CAMTA1: variants seen among roughly 807,000 people sequenced by gnomAD.
CAMTA1 encodes calmodulin-binding transcription activator 1.
In CAMTA1, 27 loss-of-function variants were observed where a neutral mutation model predicts 170.9. That is an observed-to-expected ratio of 0.16 (90% CI 0.12 to 0.22). The LOEUF is 0.22. Among genes scored for constraint, CAMTA1 ranks in the 10% least tolerant of loss-of-function variants. The pLI, the probability that CAMTA1 is intolerant of heterozygous loss-of-function variation, is 1.00. For missense variants in CAMTA1, 1,619 were observed against 2,217.2 expected, an observed-to-expected ratio of 0.73 and a Z score of 5.42; for synonymous variants, 833 against 891.5, an observed-to-expected ratio of 0.93 and a Z score of 1.17.
At chr1:7,367,634 A>G (rs2086076788) in intron 5 of CAMTA1, among the ~76,000 whole-genome samples, 1 of 152,228 alleles carries the variant, frequency 6.6e-6, no homozygotes, top group Admixed American at 6.5e-5. Context: ...CTCTCCTGGT[A>G]TTTCCTCTAC....
At chr1:7,729,262 A>G (rs927320994) in intron 11 of CAMTA1, among the ~76,000 whole-genome samples, 76 of 151,956 alleles carry the variant, frequency 5.0e-4, no homozygotes, top group African/African-American at 1.7e-3. Flanking sequence ...GACTACAGGC[A>G]TACACCACCA....
At chr1:7,454,563 A>G (rs1346815682) in intron 5 of CAMTA1, among the ~76,000 whole-genome samples, 1 of 152,126 alleles carries the variant, frequency 6.6e-6, no homozygotes, top group East Asian at 1.9e-4. Flanking sequence ...TAGTGCCCAA[A>G]CTTCCACCAG....
intron 3 of CAMTA1, among the ~76,000 whole-genome samples, chr1:6,968,630 G>A (rs1691993679): frequency 6.6e-6 from 1 of 152,092 alleles, no homozygotes; most frequent in African/African-American, 2.4e-5. Flanking sequence ...AGCACAAGGG[G>A]TTACTGGAGC....
intron 9 of CAMTA1, among the ~76,000 whole-genome samples, chr1:7,667,498 C>T (rs951664947): frequency 6.6e-6 from 1 of 152,110 alleles, no homozygotes; most frequent in Non-Finnish European, 1.5e-5. Context: ...ATTTGGTCCT[C>T]GGGACACTTA....
intron 3 of CAMTA1, among the ~76,000 whole-genome samples, chr1:6,954,877 C>T (rs758949024): frequency 1.1e-4 from 16 of 152,090 alleles, no homozygotes; most frequent in Admixed American, 1.3e-4. Context: ...GGAGCAGCCT[C>T]GTCTATGGTG....
chr1:7,033,280 A>G (rs1468662973), intron 3 of CAMTA1, among the ~76,000 whole-genome samples: 2 of 152,014 alleles, frequency 1.3e-5, no homozygotes, highest in African/African-American at 4.8e-5. Flanking sequence ...AGTGGTGTCT[A>G]ATTGTCTGTT....
Position 7,732,387 on chromosome 1 carries a change from C to G in CAMTA1, c.2915-61C>G. The G allele has an allele frequency of 1.4e-6, 2 of 1,479,874 alleles. No individual in the cohort carries two copies. 91.7% of individuals were successfully genotyped at this position (1,479,874 alleles called of 1,614,324 possible). On this transcript the variant is annotated intron_variant, in intron 11 of 22. Transcript: ENST00000303635. This position sits in a 1 kb window ranked among gnomAD's most constrained non-coding sequence, Gnocchi z 4.1. ...TGCTGGTCCCGCAAGGCTGGCGAGG[C>G]CACGTGTTGACTGCTTTTCTTCCAG...
chr1:6,911,216 G>A (rs1679613204), intron 3 of CAMTA1, among the ~76,000 whole-genome samples: 1 of 152,162 alleles, frequency 6.6e-6, no homozygotes, highest in Admixed American at 6.5e-5. Flanking sequence ...CTCAGGACTG[G>A]GAGCTGGTGG....
intron 3 of CAMTA1, among the ~76,000 whole-genome samples, chr1:6,858,674 G>A (rs1007311878): frequency 1.3e-5 from 2 of 152,156 alleles, no homozygotes; most frequent in African/African-American, 4.8e-5. Flanking sequence ...ATGATTTTGT[G>A]TGTCTGAAAT....
intron 3 of CAMTA1, among the ~76,000 whole-genome samples, chr1:6,854,199 G>A (rs767504843): frequency 2.0e-5 from 3 of 152,144 alleles, no homozygotes; most frequent in Non-Finnish European, 4.4e-5. Context: ...TTCCTGTCTC[G>A]TAGGGATGTC....
At chr1:7,281,035 T>C (rs1259706674) in intron 5 of CAMTA1, among the ~76,000 whole-genome samples, 3 of 152,234 alleles carry the variant, frequency 2.0e-5, no homozygotes, top group Non-Finnish European at 2.9e-5. Flanking sequence ...AATTATTCCA[T>C]TGATGAACTT....
At chr1:7,182,415 C>T (rs1652362579) in intron 4 of CAMTA1, among the ~76,000 whole-genome samples, 1 of 151,484 alleles carries the variant, frequency 6.6e-6, no homozygotes, top group African/African-American at 2.4e-5. Context: ...ATCACCTGAG[C>T]CTGGGGAGGT....
chr1:6,818,497 A>G (rs1049439791), intron 1 of CAMTA1, among the ~76,000 whole-genome samples: 7 of 152,190 alleles, frequency 4.6e-5, no homozygotes, highest in African/African-American at 1.7e-4. Context: ...TTGGGTATGT[A>G]TTACCTAATC....
Position 7,642,107 on chromosome 1 carries a change from C to T in CAMTA1, c.664+1554C>T, listed in dbSNP as rs956365888. 1.3e-5 allele frequency among the ~76,000 whole-genome samples: 2 copies of T among 152,128 alleles called. No homozygotes were observed. Among genetic ancestry groups the T allele is most frequent in the African/African-American group, 2.4e-5 (1 of 41,432 alleles). On this transcript the variant is annotated intron_variant, in intron 7 of 22. Coordinates refer to ENST00000303635, the MANE Select transcript of CAMTA1 (RefSeq NM_015215.4). This position sits in a 1 kb window ranked among gnomAD's most constrained non-coding sequence, Gnocchi z 6.3. ...CTCTCAGCCTCTCCACAGGCCCTCC[C>T]ACCACCCAGCTGGGCCTTCACACCC...
chr1:7,242,817 C>A (rs1416650353), intron 4 of CAMTA1, among the ~76,000 whole-genome samples: 2 of 141,392 alleles, frequency 1.4e-5, no homozygotes, highest in Non-Finnish European at 3.0e-5. Flanking sequence ...TAAAAATTAG[C>A]CGGGCATGGT....
intron 6 of CAMTA1, among the ~76,000 whole-genome samples, chr1:7,597,363 G>A (rs946832273): frequency 3.9e-5 from 6 of 152,162 alleles, no homozygotes; most frequent in Non-Finnish European, 7.3e-5. Flanking sequence ...GATAAGTAGC[G>A]GGAGCACTGC....
At chr1:6,882,434 G>A (rs1010663284) in intron 3 of CAMTA1, among the ~76,000 whole-genome samples, 1 of 152,188 alleles carries the variant, frequency 6.6e-6, no homozygotes, top group South Asian at 2.1e-4. Context: ...GGAAGAAATG[G>A]TCATATATGG....
In CAMTA1 at chr1:7,443,963, G is replaced by C. The variant is rs991907897; in HGVS notation, c.439-23867G>C. Among the ~76,000 whole-genome samples the C allele has an allele frequency of 1.3e-5, 2 of 151,638 alleles. No homozygotes were observed. The highest frequency in any genetic ancestry group is 4.8e-5 in the African/African-American group (2 of 41,394). On this transcript the variant is annotated intron_variant, in intron 5 of 22. Transcript: ENST00000303635. This position sits in a 1 kb window ranked among gnomAD's most constrained non-coding sequence, Gnocchi z 4.1. ...TTGTTGGGCTCAGACATTGTGATCC[G>C]TCGGTGAGCCATCGAGCCCCTCCTT...
At chr1:6,989,664 C>T (rs778438127) in intron 3 of CAMTA1, among the ~76,000 whole-genome samples, 2 of 152,146 alleles carry the variant, frequency 1.3e-5, no homozygotes, top group Non-Finnish European at 2.9e-5. Flanking sequence ...TGTCTTCCCC[C>T]ACGTCACTGG....
Sources: allele counts gnomAD v4.1 joint callset (sites outside exome capture counted in the v4.1 genomes callset), GRCh38; gene constraint gnomAD v4.1.1; non-coding constraint Gnocchi (gnomAD v3.1); transcripts MANE v1.5; gene names NCBI Gene and HGNC (gene_info 2026-07-23, HGNC 2026-07-21).